BBS9: variants seen among roughly 807,000 people sequenced by gnomAD.
BBS9 encodes protein PTHB1.
BBS9 carries 89 observed loss-of-function variants against 117.7 expected under a neutral mutation model. The observed-to-expected ratio is 0.76, with a 90% CI of 0.64 to 0.90. The LOEUF (loss-of-function observed/expected upper bound fraction) is 0.90. Ranked by LOEUF, BBS9 falls within the 40% of genes least tolerant of loss-of-function variation. The probability of loss-of-function intolerance (pLI) is 0.00; values close to 1 mark genes in which losing one functional copy is unlikely to be tolerated. For synonymous variants in BBS9, 379 were observed against 370.9 expected, an observed-to-expected ratio of 1.02 and a Z score of -0.25; for missense variants, 982 against 1,042.2, an observed-to-expected ratio of 0.94 and a Z score of 0.80.
At chr7:33,380,871 C>T (rs1824879248) in intron 17 of BBS9, 1 of 152,164 alleles carries the variant, frequency 6.6e-6, no homozygotes, top group South Asian at 2.1e-4. Context: ...AAACTCAGCT[C>T]CCCCTAGAAG....
chr7:33,363,946 A>AT (rs1821146333), intron 16 of BBS9, among the ~76,000 whole-genome samples: 1 of 31,880 alleles, frequency 3.1e-5, no homozygotes, highest in Non-Finnish European at 6.5e-5. Flanking sequence ...TTTTTTTTTT[A>AT]TTTTTTATTT....
intron 22 of BBS9, 106 bp downstream of exon 22, chr7:33,605,081 CA>C: frequency 6.8e-7 from 1 of 1,462,684 alleles, no homozygotes; most frequent in Non-Finnish European, 9.6e-7. Flanking sequence ...GCTTGTTTTC[CA>C]ATTTCTTCAT....
chr7:33,545,354 G>T (rs1250336148), intron 21 of BBS9, among the ~76,000 whole-genome samples: 3 of 152,086 alleles, frequency 2.0e-5, no homozygotes, highest in African/African-American at 7.2e-5. Context: ...TGGGCTACTT[G>T]GGGACCCAGT....
intron 19 of BBS9, among the ~76,000 whole-genome samples, chr7:33,388,829 G>A (rs1273446350): frequency 6.6e-6 from 1 of 152,118 alleles, no homozygotes; most frequent in African/African-American, 2.4e-5. Flanking sequence ...TAATGTCTTT[G>A]AATGGTTATA....
At position 33,505,607 on chromosome 7, in the gene BBS9, G is replaced by A; in HGVS notation, c.2260G>A (p.Ala754Thr). The A allele has an allele frequency of 6.2e-7, 1 of 1,613,978 alleles. No homozygotes were observed. The highest frequency in any genetic ancestry group is 8.5e-7 in the Non-Finnish European group (1 of 1,179,966). Residue 754 changes from alanine to threonine, a missense_variant, in exon 20 of 23, where the codon GCG becomes ACG. Physicochemically the swap from Ala to Thr is moderately conservative, Grantham distance 58 (BLOSUM62 0). Coordinates refer to ENST00000242067, the MANE Select transcript of BBS9 (RefSeq NM_198428.3). ...LSADQVAILE[A>T]AFLPLQEDTQ... Reference sequence around the variant, plus strand: ...TGCTGACCAGGTTGCTATTCTGGAAGCGGCATTTCTGCCGCTACAAGAAGA... The same window carrying A: ...TGCTGACCAGGTTGCTATTCTGGAAACGGCATTTCTGCCGCTACAAGAAGA...
chr7:33,223,756 A>C (rs997394410), intron 5 of BBS9, among the ~76,000 whole-genome samples: 1 of 151,804 alleles, frequency 6.6e-6, no homozygotes, highest in Non-Finnish European at 1.5e-5. Flanking sequence ...TCTGTGCCTG[A>C]TAGAACTTGT....
chr7:33,530,409 A>T (rs1023574496), intron 20 of BBS9, among the ~76,000 whole-genome samples: 2 of 152,248 alleles, frequency 1.3e-5, no homozygotes, highest in Non-Finnish European at 2.9e-5. Flanking sequence ...TGTTACTGTA[A>T]TCTATTTATG....
chr7:33,388,354 A>C (rs1235378718), intron 19 of BBS9, among the ~76,000 whole-genome samples: 3 of 152,144 alleles, frequency 2.0e-5, no homozygotes, highest in African/African-American at 7.2e-5. Context: ...AAATTACATG[A>C]GCGCCCTCAG....
At chr7:33,430,483 T>A (rs1834278363) in intron 19 of BBS9, among the ~76,000 whole-genome samples, 1 of 152,228 alleles carries the variant, frequency 6.6e-6, no homozygotes, top group Non-Finnish European at 1.5e-5. Context: ...AAGTGTTTGT[T>A]GTATAGAGGA....
intron 19 of BBS9, among the ~76,000 whole-genome samples, chr7:33,423,074 G>A (rs535313514): frequency 5.3e-5 from 8 of 152,244 alleles, no homozygotes; most frequent in Non-Finnish European, 7.4e-5. Context: ...TGAGTGCCAG[G>A]GATCGGAACA....
At chr7:33,548,895 A>G (rs1853882594) in intron 21 of BBS9, among the ~76,000 whole-genome samples, 1 of 150,762 alleles carries the variant, frequency 6.6e-6, no homozygotes, top group African/African-American at 2.5e-5. Flanking sequence ...CAAGCTACCA[A>G]TGACTTTCTT....
At chr7:33,614,682 C>T (rs1865045415) in intron 21 of BBS9, among the ~76,000 whole-genome samples, 1 of 152,014 alleles carries the variant, frequency 6.6e-6, no homozygotes, top group Admixed American at 6.6e-5. Context: ...GCTGGAGGCC[C>T]AGAGTGGACA....
At chr7:33,611,456 A>C (rs1864851350) in intron 21 of BBS9, among the ~76,000 whole-genome samples, 2 of 140,860 alleles carry the variant, frequency 1.4e-5, no homozygotes, top group Admixed American at 7.4e-5. Flanking sequence ...ATAATATTTA[A>C]TATAATAATA....
intron 3 of BBS9, among the ~76,000 whole-genome samples, chr7:33,155,189 G>T (rs1371313686): frequency 6.6e-6 from 1 of 152,188 alleles, no homozygotes; most frequent in Non-Finnish European, 1.5e-5. Context: ...TTGGTGTTTT[G>T]TGATGTTTTA....
At position 33,303,526 on chromosome 7, in the gene BBS9, CCCG is replaced by C. The variant is rs765933264; in HGVS notation, c.1016+29573_1016+29575del. Among the ~76,000 whole-genome samples the C allele has an allele frequency of 8.6e-3, 991 of 115,512 alleles. 50 individuals carry two copies. The highest frequency in any genetic ancestry group is 0.031 in the African/African-American group (934 of 30,010). 75.8% of individuals were successfully genotyped at this position (115,512 alleles called of 152,430 possible). On this transcript the variant is annotated intron_variant, in intron 9 of 22. Transcript: ENST00000242067. ...GTATCAACTGAAATGATCCCCTCCC[CCCG>C]CCCCTTCTTTCTTTGGTCTCCCTCT... is the stretch of plus-strand genomic sequence containing the variant.
At chr7:33,139,934 C>G (rs1017634620) in intron 1 of BBS9, among the ~76,000 whole-genome samples, 18 of 151,020 alleles carry the variant, frequency 1.2e-4, no homozygotes, top group Non-Finnish European at 1.5e-5. Flanking sequence ...TTTCTAGATA[C>G]ATTTTTTTTT....
intron 20 of BBS9, among the ~76,000 whole-genome samples, chr7:33,516,448 C>A (rs1847815355): frequency 7.4e-6 from 1 of 135,146 alleles, no homozygotes; most frequent in African/African-American, 2.8e-5. Flanking sequence ...AAAATTGCAC[C>A]ACTGCACTCC....
intron 19 of BBS9, among the ~76,000 whole-genome samples, chr7:33,436,680 A>G (rs1475617660): frequency 6.6e-6 from 1 of 152,204 alleles, no homozygotes; most frequent in Non-Finnish European, 1.5e-5. Flanking sequence ...TTTTAGATCC[A>G]CCTTGACCAT....
intron 21 of BBS9, among the ~76,000 whole-genome samples, chr7:33,538,459 T>G (rs1184315277): frequency 2.0e-5 from 3 of 152,142 alleles, no homozygotes. Flanking sequence ...AGAGAGGGAT[T>G]TTAAATTCTT....
Sources: allele counts gnomAD v4.1 joint callset (sites outside exome capture counted in the v4.1 genomes callset), GRCh38; gene constraint gnomAD v4.1.1; transcripts MANE v1.5; gene names NCBI Gene and HGNC (gene_info 2026-07-23, HGNC 2026-07-21).